Variants in KALRN observed in about 807,000 individuals in gnomAD.
The protein encoded by KALRN is kalirin RhoGEF kinase, also known as kalirin.
In KALRN, 70 loss-of-function variants were observed where a neutral mutation model predicts 353.7. That is an observed-to-expected ratio of 0.20 (90% CI 0.16 to 0.24). The LOEUF (loss-of-function observed/expected upper bound fraction) is 0.24. KALRN is among the 10% of genes least tolerant of loss of function. The pLI, the probability that KALRN is intolerant of heterozygous loss-of-function variation, is 1.00. For synonymous variants in KALRN, 1,391 were observed against 1,434.8 expected, an observed-to-expected ratio of 0.97 and a Z score of 0.69; for missense variants, 2,791 against 3,756.7, an observed-to-expected ratio of 0.74 and a Z score of 6.72.
At chr3:124,666,360 T>C (rs1344514456) in intron 45 of KALRN, 89 bp from the exon 46 acceptor site, 1 of 1,194,378 alleles carries the variant, frequency 8.4e-7, no homozygotes, top group Non-Finnish European at 1.2e-6. Flanking sequence ...GTTGCCCGTA[T>C]CCCCAGATGG....
intron 6 of KALRN, among the ~76,000 whole-genome samples, chr3:124,302,946 A>G (rs2077384999): frequency 6.6e-6 from 1 of 152,184 alleles, no homozygotes; most frequent in South Asian, 2.1e-4. Flanking sequence ...TTAATTACCT[A>G]TTTAAACACC....
At chr3:124,396,852 C>T (rs930222350) in intron 12 of KALRN, among the ~76,000 whole-genome samples, 3 of 152,194 alleles carry the variant, frequency 2.0e-5, no homozygotes, top group South Asian at 2.1e-4. Context: ...GAGCCACTGG[C>T]GACCATTCAT....
At position 124,391,783 on chromosome 3, in the gene KALRN, G is replaced by A. The variant is rs1225751069; in HGVS notation, c.1963-3352G>A. Among the ~76,000 whole-genome samples, 52 of 152,182 alleles carry A rather than the reference G, an allele frequency of 3.4e-4. 1 individual carries two copies. The highest frequency in any genetic ancestry group is 3.4e-3 in the Admixed American group (52 of 15,282). ...TTTGCTGCCACCAGGCAGTGACTGT[G>A]TGCACCATGTCCACAATTTCACCTC... On this transcript the variant is annotated intron_variant, in intron 11 of 59. Coordinates refer to ENST00000682506, the MANE Select transcript of KALRN (RefSeq NM_001388419.1).
intron 9 of KALRN, among the ~76,000 whole-genome samples, chr3:124,345,700 C>T (rs2082192193): frequency 6.6e-6 from 1 of 152,082 alleles, no homozygotes; most frequent in South Asian, 2.1e-4. Flanking sequence ...CTCCGCCTGT[C>T]TTCATTAAGT....
chr3:124,443,701 A>G lies in KALRN; in HGVS notation c.3313+1642A>G, dbSNP rs138027027. 3.9e-3 allele frequency among the ~76,000 whole-genome samples: 596 copies of G among 152,362 alleles called. 25 individuals carry two copies. The highest frequency in any genetic ancestry group is 0.038 in the Admixed American group (581 of 15,310). On this transcript the variant is annotated intron_variant, in intron 19 of 59. Transcript: ENST00000682506. ...GCGTGCTGAAGAATAACAGGCACCCAGAGACAGTGGGAAATGCCTACATCT... is the reference window on the plus strand; with the variant it reads ...GCGTGCTGAAGAATAACAGGCACCCGGAGACAGTGGGAAATGCCTACATCT...
chr3:124,053,121 C>T (rs779659148), intron 1 of KALRN, among the ~76,000 whole-genome samples: 2 of 152,148 alleles, frequency 1.3e-5, no homozygotes, highest in Non-Finnish European at 2.9e-5. Flanking sequence ...ACTATAGCCT[C>T]GACCTCTTGG....
chr3:124,239,561 G>A (rs931009019), intron 3 of KALRN, among the ~76,000 whole-genome samples: 1 of 152,192 alleles, frequency 6.6e-6, no homozygotes, highest in Non-Finnish European at 1.5e-5. Flanking sequence ...ATTCTGTAAT[G>A]TCAATCAAAT....
intron 1 of KALRN, among the ~76,000 whole-genome samples, chr3:124,060,404 C>T (rs1288466247): frequency 6.6e-6 from 1 of 152,148 alleles, no homozygotes; most frequent in African/African-American, 2.4e-5. Context: ...TCCTTTCTTT[C>T]ACTATCTCTC....
At chr3:124,254,582 C>G (rs922351946) in intron 3 of KALRN, among the ~76,000 whole-genome samples, 1 of 152,090 alleles carries the variant, frequency 6.6e-6, no homozygotes, top group Non-Finnish European at 1.5e-5. Flanking sequence ...TAATAAATAG[C>G]AGCTACTTAT....
At position 124,104,320 on chromosome 3, in the gene KALRN, C is replaced by T. The variant is rs949938069; in HGVS notation, c.73+70507C>T. ...CTAAAGAAGACAGTCTTCTTGTCTT[C>T]GTGAAGTGTTATGGTTCAATGGGGG... On this transcript the variant is annotated intron_variant, in intron 1 of 59. Coordinates refer to ENST00000682506, the MANE Select transcript of KALRN (RefSeq NM_001388419.1). 3.3e-5 allele frequency among the ~76,000 whole-genome samples: 5 copies of T among 152,242 alleles called. No homozygotes were observed. In the East Asian group the frequency reaches 5.8e-4, roughly 18 times the overall value.
intron 1 of KALRN, among the ~76,000 whole-genome samples, chr3:124,177,237 C>T (rs2072905963): frequency 6.6e-6 from 1 of 152,202 alleles, no homozygotes; most frequent in Non-Finnish European, 1.5e-5. Context: ...TGTGTTGTCT[C>T]TAAGAACAGG....
intron 33 of KALRN, among the ~76,000 whole-genome samples, chr3:124,528,257 A>G (rs1279181607): frequency 6.6e-6 from 1 of 152,216 alleles, no homozygotes; most frequent in African/African-American, 2.4e-5. Context: ...CAAATAGGAC[A>G]GAACTCCAGG....
chr3:124,111,437 A>G (rs1350858181), intron 1 of KALRN, among the ~76,000 whole-genome samples: 5 of 152,222 alleles, frequency 3.3e-5, no homozygotes, highest in African/African-American at 4.8e-5. Context: ...TAATGTAGTC[A>G]GCATTTACCC....
At chr3:124,583,690 A>G (rs894605103) in intron 34 of KALRN, among the ~76,000 whole-genome samples, 1 of 152,192 alleles carries the variant, frequency 6.6e-6, no homozygotes, top group African/African-American at 2.4e-5. Flanking sequence ...CTGTTACAAA[A>G]AGAAAAGGGG....
rs575319588 is a variant in KALRN, at chr3:124,314,570, T to C, written c.1093-11410T>C. Among the ~76,000 whole-genome samples the C allele has an allele frequency of 7.2e-5, 11 of 152,268 alleles. No individual in the cohort carries two copies. In the East Asian group the frequency reaches 2.1e-3, roughly 29 times the overall value. On this transcript the variant is annotated intron_variant, in intron 6 of 59. Transcript: ENST00000682506. ...GTCTGGCTCACAGTTCTACAGGTCA[T>C]ACAAGGAGCATGGTGCCAGCATCTG...
intron 34 of KALRN, among the ~76,000 whole-genome samples, chr3:124,626,093 AATTAAC>A (rs998457006): frequency 6.6e-6 from 1 of 152,190 alleles, no homozygotes; most frequent in African/African-American, 2.4e-5. Flanking sequence ...AGAAAAAAAA[AATTAAC>A]ATGAATGAAC....
chr3:124,096,860 T>C (rs1244922651), intron 1 of KALRN, among the ~76,000 whole-genome samples: 1 of 152,262 alleles, frequency 6.6e-6, no homozygotes, highest in Non-Finnish European at 1.5e-5. Flanking sequence ...AATGAATTTA[T>C]GGGTTGATAG....
At chr3:124,285,969 C>A (rs370353583) in intron 5 of KALRN, among the ~76,000 whole-genome samples, 1 of 152,042 alleles carries the variant, frequency 6.6e-6, no homozygotes, top group East Asian at 1.9e-4. Context: ...TTGTATTGGA[C>A]GGCACTGTAC....
At chr3:124,066,342 GTA>G (rs2042361303) in intron 1 of KALRN, among the ~76,000 whole-genome samples, 1 of 152,180 alleles carries the variant, frequency 6.6e-6, no homozygotes. Flanking sequence ...GAGTTGCATA[GTA>G]TAGAGATTTT....
Sources: gnomAD v4.1 joint callset for allele counts (sites outside exome capture counted in the v4.1 genomes callset) on GRCh38, gnomAD v4.1.1 for gene constraint, MANE v1.5 for transcripts, NCBI Gene and HGNC (gene_info 2026-07-23, HGNC 2026-07-21) for gene names.